Variants in DMD observed in about 807,000 individuals in gnomAD.
The protein encoded by DMD is dystrophin.
In DMD, 63 loss-of-function variants were observed where a neutral mutation model predicts 330.1. That is an observed-to-expected ratio of 0.19 (90% CI 0.16 to 0.24). The LOEUF (loss-of-function observed/expected upper bound fraction) is 0.24. Among genes scored for constraint, DMD ranks in the 10% least tolerant of loss-of-function variants. The pLI is 1.00. For synonymous variants in DMD, 1,223 were observed against 959.8 expected, an observed-to-expected ratio of 1.27 and a Z score of -5.07; for missense variants, 3,344 against 2,684.1, an observed-to-expected ratio of 1.25 and a Z score of -5.43.
At chrX:32,205,043 C>CACACA (rs1569550759) in intron 44 of DMD, among the ~76,000 whole-genome samples, 30 of 33,476 alleles carry the variant, frequency 9.0e-4, no homozygotes, top group African/African-American at 2.0e-3. Context: ...ACACACACAC[C>CACACA]CACACACACA....
At chrX:31,628,942 A>ATATATATATATATATAT (rs1556765554) in intron 54 of DMD, among the ~76,000 whole-genome samples, 4 of 104,091 alleles carry the variant, frequency 3.8e-5, no homozygotes, top group South Asian at 4.2e-4. Flanking sequence ...ATATATATAT[A>ATATATATATATATATAT]AAATGCATGT....
chrX:32,751,062 T>G (rs1211630641), intron 7 of DMD, among the ~76,000 whole-genome samples: 2 of 111,687 alleles, frequency 1.8e-5, no homozygotes, highest in African/African-American at 6.5e-5. Flanking sequence ...CCTGTATAAA[T>G]TATCCATTCT....
intron 29 of DMD, among the ~76,000 whole-genome samples, chrX:32,417,776 G>A (rs933437037): frequency 1.8e-5 from 2 of 109,582 alleles, no homozygotes; most frequent in Admixed American, 9.8e-5. Context: ...ACTTCTTAAA[G>A]ATCCCATACT....
At chrX:33,102,292 T>C (rs1329028166) in intron 1 of DMD, among the ~76,000 whole-genome samples, 4 of 99,685 alleles carry the variant, frequency 4.0e-5, no homozygotes, top group African/African-American at 1.4e-4. Flanking sequence ...GAGGAGATAT[T>C]ACCCCAGAAG....
chrX:31,618,969 C>T (rs993985571), intron 55 of DMD, among the ~76,000 whole-genome samples: 4 of 111,137 alleles, frequency 3.6e-5, no homozygotes, highest in Non-Finnish European at 5.7e-5. Context: ...TGTGTGTTAC[C>T]TTAGTAGAAG....
rs1417425570 is a variant in DMD, at chrX:32,472,295, G to A, written c.2818C>T (p.Pro940Ser). The stretch of plus-strand genomic sequence containing the variant: ...ATGGTCTCCTGATAGCGCATTGGTG[G>A]CAAAGTGTCAAAAACTTTATCAAAA... ...KELQTIFDTL[P>S]PMRYQETMSA... The change falls in exon 22 of 79, where the codon CCA (proline) becomes TCA (serine). Residue 940 changes from proline (P) to serine (S), a missense_variant. Physicochemically the swap from Pro to Ser is moderately conservative, Grantham distance 74 (BLOSUM62 -1). Coordinates refer to ENST00000357033, the MANE Select transcript of DMD (RefSeq NM_004006.3). The A allele has an allele frequency of 7.4e-6, 9 of 1,208,473 alleles. No homozygotes were observed. The highest frequency in any genetic ancestry group is 1.8e-5 in the African/African-American group (1 of 56,894).
intron 41 of DMD, among the ~76,000 whole-genome samples, chrX:32,332,458 CAT>C (rs1425702143): frequency 9.8e-5 from 8 of 81,327 alleles, no homozygotes; most frequent in African/African-American, 2.1e-4. Context: ...TATGTGCACA[CAT>C]GAGAAAGATT....
chrX:32,395,079 A>C (rs2098034508), intron 30 of DMD, among the ~76,000 whole-genome samples: 1 of 111,228 alleles, frequency 9.0e-6, no homozygotes. Flanking sequence ...AGAAACATCA[A>C]CATGCCCAAG....
intron 59 of DMD, among the ~76,000 whole-genome samples, chrX:31,450,095 C>A (rs1173679027): frequency 9.0e-6 from 1 of 110,540 alleles, no homozygotes; most frequent in Non-Finnish European, 1.9e-5. Context: ...TGTTTGTTAA[C>A]CAAGACTCTT....
At chrX:32,361,393 G>A (rs1003901862) in intron 37 of DMD, among the ~76,000 whole-genome samples, 2 of 111,442 alleles carry the variant, frequency 1.8e-5, no homozygotes, top group Admixed American at 9.6e-5. Context: ...CTCTCATGCT[G>A]TCTCTCTCCA....
rs112169561 is a variant in DMD at position 32,323,324 on chromosome X, A to C, written c.5923-13048T>G. ...GAAACCAGTGCCCCACAGACACTGA[A>C]GGATGACTGTGTAATAAAGATTTCA... On this transcript the variant is annotated intron_variant, in intron 41 of 78. Coordinates refer to ENST00000357033, the MANE Select transcript of DMD (RefSeq NM_004006.3). 1.9e-3 allele frequency among the ~76,000 whole-genome samples: 216 copies of C among 111,426 alleles called. 2 individuals are homozygous for C. Among genetic ancestry groups the C allele is most frequent in the African/African-American group, 6.7e-3 (206 of 30,708 alleles).
At chrX:32,046,495 G>A (rs1227657385) in intron 44 of DMD, among the ~76,000 whole-genome samples, 1 of 112,142 alleles carries the variant, frequency 8.9e-6, no homozygotes, top group Non-Finnish European at 1.9e-5. Context: ...CATATTTTGG[G>A]CCCTTAAATT....
intron 1 of DMD, among the ~76,000 whole-genome samples, chrX:33,043,590 A>T (rs1262797088): frequency 9.0e-6 from 1 of 111,665 alleles, no homozygotes; most frequent in African/African-American, 3.3e-5. Context: ...CAAGCAGAAC[A>T]CAAATTTAGA....
intron 74 of DMD, among the ~76,000 whole-genome samples, chrX:31,164,292 T>G (rs1474323885): frequency 1.8e-5 from 2 of 110,950 alleles, no homozygotes; most frequent in African/African-American, 6.6e-5. Context: ...CAGAGTTCTA[T>G]CTCTCAGACT....
At chrX:32,703,006 T>C (rs1370591781) in intron 7 of DMD, among the ~76,000 whole-genome samples, 1 of 111,363 alleles carries the variant, frequency 9.0e-6, no homozygotes, top group East Asian at 2.8e-4. Context: ...AACAATTAGT[T>C]CCTCCATGAT....
intron 9 of DMD, among the ~76,000 whole-genome samples, chrX:32,667,516 T>G (rs2061378053): frequency 9.0e-6 from 1 of 111,663 alleles, no homozygotes; most frequent in Admixed American, 9.5e-5. Context: ...TTAACCATCA[T>G]ATTTCATTGG....
rs769144404 is a variant in DMD, at chrX:31,347,479, A to T, written c.9163+1077T>A. 7.2e-5 allele frequency among the ~76,000 whole-genome samples: 8 copies of T among 111,835 alleles called. No individual in the cohort carries two copies. In the East Asian group the frequency reaches 1.9e-3, roughly 27 times the overall value. On this transcript the variant is annotated intron_variant, in intron 61 of 78. Transcript: ENST00000357033. ...CAATTTTTTTAGCTCCCACAAGAGT[A>T]AGAACATGCGATTTTTGTCTTTCTG...
intron 43 of DMD, among the ~76,000 whole-genome samples, chrX:32,266,987 T>C (rs2097347140): frequency 8.9e-6 from 1 of 112,135 alleles, no homozygotes. Context: ...ATTCCAGTGC[T>C]TTTAAACCCA....
chrX:32,546,545 T>G (rs1346563120), intron 16 of DMD, among the ~76,000 whole-genome samples: 1 of 111,482 alleles, frequency 9.0e-6, no homozygotes, highest in African/African-American at 3.3e-5. Flanking sequence ...CAATGAACAG[T>G]GAAGGAATAA....
Sources: gnomAD v4.1 joint callset for allele counts (sites outside exome capture counted in the v4.1 genomes callset) on GRCh38, gnomAD v4.1.1 for gene constraint, MANE v1.5 for transcripts, NCBI Gene and HGNC (gene_info 2026-07-23, HGNC 2026-07-21) for gene names.